STK32A: variants seen among roughly 807,000 people sequenced by gnomAD.
STK32A encodes the protein serine/threonine kinase 32A.
Under a neutral mutation model 53.2 loss-of-function variants are expected in STK32A, and 41 were observed. That is an observed-to-expected ratio of 0.77 (90% CI 0.60 to 1.00). STK32A has a LOEUF of 1.00. STK32A is among the 50% of genes least tolerant of loss of function. The probability of loss-of-function intolerance (pLI) is 0.00; values close to 1 mark genes in which losing one functional copy is unlikely to be tolerated. For missense variants in STK32A, 458 were observed against 485.8 expected (o/e 0.94, Z 0.54); for synonymous variants, 166 against 162.8 (o/e 1.02, Z -0.15).
In STK32A at chr5:147,248,651, C is replaced by T. The variant is rs79916358; in HGVS notation, c.52+8965C>T. 3.3e-4 allele frequency among the ~76,000 whole-genome samples: 50 copies of T among 152,300 alleles called. 2 individuals carry two copies. The East Asian group carries it at 7.9e-3, about 24-fold the overall frequency. On this transcript the variant is annotated intron_variant, in intron 2 of 12. Transcript: ENST00000397936. Reference sequence around the variant, plus strand: ...AAAGAAATTGTCAATATATTTCTGACTTCTGAGCAAATCCATGAATCGGGA... The same window carrying T: ...AAAGAAATTGTCAATATATTTCTGATTTCTGAGCAAATCCATGAATCGGGA...
rs549018704 is a variant in STK32A at position 147,266,007 on chromosome 5, G to A, written c.53-12117G>A. On this transcript the variant is annotated intron_variant, in intron 2 of 12. Transcript: ENST00000397936. ...ATGGGTAAAGTGCCAGCCGAACTTAGAAGAGGGACTGATTCTATCTCTATT... is the reference window on the plus strand; with the variant it reads ...ATGGGTAAAGTGCCAGCCGAACTTAAAAGAGGGACTGATTCTATCTCTATT... 2.0e-5 allele frequency among the ~76,000 whole-genome samples: 3 copies of A among 152,172 alleles called. No homozygotes were observed. In the East Asian group the frequency reaches 5.8e-4, roughly 29 times the overall value.
At chr5:147,313,271 G>A in intron 4 of STK32A, among the ~76,000 whole-genome samples, 1 of 151,948 alleles carries the variant, frequency 6.6e-6, no homozygotes. Flanking sequence ...AACAAACAAA[G>A]ATAGATGCAT....
intron 2 of STK32A, among the ~76,000 whole-genome samples, chr5:147,262,102 G>GAT (rs1754599764): frequency 1.3e-5 from 2 of 152,208 alleles, no homozygotes; most frequent in Middle Eastern, 3.4e-3. Flanking sequence ...CATCACAAAT[G>GAT]GTGAAGAAAT....
chr5:147,373,540 C>T (rs1440767413), intron 10 of STK32A, among the ~76,000 whole-genome samples: 2 of 152,106 alleles, frequency 1.3e-5, no homozygotes, highest in Non-Finnish European at 2.9e-5. Context: ...TAGCTTTTAA[C>T]CACTTTTTAT....
chr5:147,247,736 AC>A (rs1449225436), intron 2 of STK32A, among the ~76,000 whole-genome samples: 3 of 152,206 alleles, frequency 2.0e-5, no homozygotes, highest in Non-Finnish European at 4.4e-5. Flanking sequence ...TTCCAATAAA[AC>A]TTTATTTATG....
chr5:147,279,622 C>T (rs976944157), intron 4 of STK32A, among the ~76,000 whole-genome samples: 1 of 151,838 alleles, frequency 6.6e-6, no homozygotes, highest in South Asian at 2.1e-4. Context: ...TGAACTCCAG[C>T]GAATGTCATG....
chr5:147,372,843 T>C (rs754383416), intron 9 of STK32A, among the ~76,000 whole-genome samples: 11 of 152,184 alleles, frequency 7.2e-5, no homozygotes, highest in Admixed American at 1.3e-4. Flanking sequence ...ATTACAATCG[T>C]ATGAAATACA....
intron 5 of STK32A, among the ~76,000 whole-genome samples, chr5:147,328,520 T>TA (rs1197569525): frequency 3.3e-5 from 5 of 152,246 alleles, no homozygotes; most frequent in African/African-American, 9.6e-5. Context: ...ATTGTGCAAT[T>TA]AGACAACTTT....
Position 147,384,333 on chromosome 5 carries a change from T to C in STK32A, c.*350T>C. The C allele has an allele frequency of 2.1e-6, 3 of 1,456,298 alleles. No homozygotes were observed. The highest frequency in any genetic ancestry group is 2.7e-6 in the Non-Finnish European group (3 of 1,097,562). The allele number at this position is 1,456,298 out of a possible 1,614,324, so 90.2% of individuals were successfully genotyped here. ...CTTTATTTTTATTTTAAAATTAATA[T>C]ATGAATATAGATTTATTTTTCCACT... On this transcript the variant is annotated 3_prime_UTR_variant, in exon 13 of 13. Coordinates refer to ENST00000397936, the MANE Select transcript of STK32A (RefSeq NM_001112724.2).
intron 6 of STK32A, among the ~76,000 whole-genome samples, chr5:147,348,220 A>G (rs1217444504): frequency 6.6e-6 from 1 of 152,210 alleles, no homozygotes; most frequent in Non-Finnish European, 1.5e-5. Context: ...TTTGTGCAAC[A>G]ACATTTTGAA....
chr5:147,314,927 T>A (rs978733629), intron 4 of STK32A, among the ~76,000 whole-genome samples: 2 of 151,970 alleles, frequency 1.3e-5, no homozygotes, highest in African/African-American at 4.8e-5. Context: ...TTTTCTTTTG[T>A]AGACACAGTG....
intron 4 of STK32A, among the ~76,000 whole-genome samples, chr5:147,289,530 G>T (rs1752499803): frequency 6.6e-6 from 1 of 151,754 alleles, no homozygotes; most frequent in South Asian, 2.1e-4. Context: ...AAGTTTGTGT[G>T]TGTGAATAGG....
At chr5:147,343,776 G>T (rs1346164982) in intron 6 of STK32A, among the ~76,000 whole-genome samples, 1 of 152,156 alleles carries the variant, frequency 6.6e-6, no homozygotes, top group Non-Finnish European at 1.5e-5. Context: ...TCTCAGAAAA[G>T]ATATCAAGTT....
At chr5:147,320,802 G>A (rs1174296777) in intron 4 of STK32A, among the ~76,000 whole-genome samples, 1 of 148,540 alleles carries the variant, frequency 6.7e-6, no homozygotes, top group Non-Finnish European at 1.5e-5. Flanking sequence ...TTCTAAGGCT[G>A]AAGGGGGCGT....
intron 11 of STK32A, among the ~76,000 whole-genome samples, chr5:147,377,067 G>T (rs1757260143): frequency 6.6e-6 from 1 of 151,938 alleles, no homozygotes; most frequent in African/African-American, 2.4e-5. Context: ...TTTTAATATT[G>T]GTGTTTATAG....
At chr5:147,306,182 A>G (rs1488305808) in intron 4 of STK32A, among the ~76,000 whole-genome samples, 2 of 151,744 alleles carry the variant, frequency 1.3e-5, no homozygotes, top group South Asian at 2.1e-4. Context: ...TGTGGTTTTA[A>G]TTTGCATTTT....
intron 4 of STK32A, among the ~76,000 whole-genome samples, chr5:147,307,268 TGTG>T (rs1002171967): frequency 1.6e-4 from 25 of 152,058 alleles, no homozygotes; most frequent in Non-Finnish European, 3.5e-4. Context: ...TTGGACTTAA[TGTG>T]GTACAATTTA....
chr5:147,259,540 GC>G (rs1259102606), intron 2 of STK32A, among the ~76,000 whole-genome samples: 2 of 119,998 alleles, frequency 1.7e-5, no homozygotes, highest in Non-Finnish European at 3.5e-5. Flanking sequence ...ATTTACCCTG[GC>G]TTTTTTTTTT....
At chr5:147,284,696 C>CAAAAAAAAAAAAAA (rs869167577) in intron 4 of STK32A, among the ~76,000 whole-genome samples, 10 of 51,592 alleles carry the variant, frequency 1.9e-4, no homozygotes, top group Admixed American at 5.4e-4. Flanking sequence ...CAAGACAAAA[C>CAAAAAAAAAAAAAA]AAAAAAACAA....
Sources: gnomAD v4.1 joint callset for allele counts (sites outside exome capture counted in the v4.1 genomes callset) on GRCh38, gnomAD v4.1.1 for gene constraint, MANE v1.5 for transcripts, NCBI Gene and HGNC (gene_info 2026-07-23, HGNC 2026-07-21) for gene names.